Variants in GSK3B observed in about 807,000 individuals in gnomAD.
The protein encoded by GSK3B is glycogen synthase kinase 3 beta.
In GSK3B, 15 loss-of-function variants were observed where a neutral mutation model predicts 56.4. The observed-to-expected ratio is 0.27, with a 90% CI of 0.18 to 0.41. GSK3B has a LOEUF of 0.41. Among genes scored for constraint, GSK3B ranks in the 10% least tolerant of loss-of-function variants. GSK3B has a pLI of 1.00. For missense variants in GSK3B, 300 were observed against 513.4 expected (o/e 0.58, Z 4.02); for synonymous variants, 181 against 188.9 (o/e 0.96, Z 0.34).
At chr3:120,002,287 A>G in intron 1 of GSK3B, 48 bp from the exon 2 acceptor site, 1 of 1,147,252 alleles carries the variant, frequency 8.7e-7, no homozygotes, top group Non-Finnish European at 1.2e-6. Context: ...GTAAGGAATT[A>G]AATAGAGAAA....
At chr3:119,934,179 A>G (rs1370739651) in intron 3 of GSK3B, among the ~76,000 whole-genome samples, 1 of 152,242 alleles carries the variant, frequency 6.6e-6, no homozygotes, top group Non-Finnish European at 1.5e-5. Context: ...TCCAAGGAAT[A>G]AAGTATGGAA....
chr3:119,939,677 T>C (rs1420676975), intron 3 of GSK3B, among the ~76,000 whole-genome samples: 1 of 152,164 alleles, frequency 6.6e-6, no homozygotes, highest in South Asian at 2.1e-4. Context: ...GGGCCTGAAC[T>C]AAGGCAGCAT....
intron 1 of GSK3B, among the ~76,000 whole-genome samples, chr3:120,037,933 T>C (rs866081113): frequency 3.9e-5 from 6 of 152,238 alleles, no homozygotes; most frequent in Admixed American, 3.9e-4. Flanking sequence ...AACTGATGAA[T>C]AAAAAATATA....
chr3:119,893,517 C>T (rs986453108), intron 7 of GSK3B, among the ~76,000 whole-genome samples: 1 of 152,136 alleles, frequency 6.6e-6, no homozygotes, highest in South Asian at 2.1e-4. Context: ...AGTCTTAAAG[C>T]CCCATTAAGA....
chr3:119,887,657 G>A (rs563582870), intron 7 of GSK3B, among the ~76,000 whole-genome samples: 46 of 152,072 alleles, frequency 3.0e-4, no homozygotes, highest in Non-Finnish European at 5.2e-4. Context: ...GGAAGTATGG[G>A]GTGGGAAGTA....
At position 119,825,549 on chromosome 3, in the gene GSK3B, A is replaced by G. The variant is rs746961563; in HGVS notation, c.*1239T>C. The G allele has an allele frequency of 8.8e-6, 2 of 228,282 alleles. No individual in the cohort carries two copies. The highest frequency in any genetic ancestry group is 1.8e-4 in the South Asian group (1 of 5,472). 14.1% of individuals were successfully genotyped at this position (228,282 alleles called of 1,614,324 possible). Reference sequence around the variant, plus strand: ...ACATTTATATCATCAGCTTTCCTATAAAGTCAGCAGGTATAAGTGACTGTA... The same window carrying G: ...ACATTTATATCATCAGCTTTCCTATGAAGTCAGCAGGTATAAGTGACTGTA... On this transcript the variant is annotated 3_prime_UTR_variant, in exon 11 of 11. Transcript: ENST00000264235.
At chr3:119,958,413 A>T (rs1328287085) in intron 2 of GSK3B, among the ~76,000 whole-genome samples, 1 of 151,958 alleles carries the variant, frequency 6.6e-6, no homozygotes, top group East Asian at 1.9e-4. Flanking sequence ...GTGGCAGCTC[A>T]TGCCTGTAAT....
intron 10 of GSK3B, among the ~76,000 whole-genome samples, chr3:119,827,153 G>A (rs986230978): frequency 2.0e-5 from 3 of 152,204 alleles, no homozygotes; most frequent in African/African-American, 7.2e-5. Flanking sequence ...AGCTGTATAT[G>A]AACACTCAGC....
At chr3:119,927,239 T>C (rs1463475088) in intron 3 of GSK3B, among the ~76,000 whole-genome samples, 1 of 152,168 alleles carries the variant, frequency 6.6e-6, no homozygotes, top group Non-Finnish European at 1.5e-5. Context: ...ATTATATCAA[T>C]AAAGCTTGAA....
chr3:119,923,183 T>C (rs755604972), intron 4 of GSK3B, among the ~76,000 whole-genome samples, 190 bp downstream of exon 4: 1 of 152,246 alleles, frequency 6.6e-6, no homozygotes, highest in African/African-American at 2.4e-5. Context: ...ATCTGAGTTA[T>C]AAAACTTCAA....
rs748842632 is a variant in GSK3B, at chr3:119,899,212, A to G, written c.813+6543T>C. On this transcript the variant is annotated intron_variant, in intron 7 of 10. Coordinates refer to ENST00000264235, the MANE Select transcript of GSK3B (RefSeq NM_001146156.2). Reference sequence around the variant, plus strand: ...CACGTCCCAGGAGGAATGAAGCAGGACAGCATGAGATTTCAGCATACTACT... The same window carrying G: ...CACGTCCCAGGAGGAATGAAGCAGGGCAGCATGAGATTTCAGCATACTACT... Among the ~76,000 whole-genome samples, 49 of 152,160 alleles carry G rather than the reference A, an allele frequency of 3.2e-4. 1 individual carries two copies. Among genetic ancestry groups the G allele is most frequent in the Non-Finnish European group, 2.1e-4 (14 of 68,034 alleles).
At chr3:120,038,118 G>A (rs2058037292) in intron 1 of GSK3B, among the ~76,000 whole-genome samples, 2 of 152,152 alleles carry the variant, frequency 1.3e-5, no homozygotes, top group Non-Finnish European at 2.9e-5. Context: ...CAAGTAAATA[G>A]CAAATTCGGA....
chr3:119,915,935 A>C, intron 5 of GSK3B, 109 bp downstream of exon 5: 1 of 719,428 alleles, frequency 1.4e-6, no homozygotes, highest in Non-Finnish European at 2.3e-6. Context: ...TACTTCTTGA[A>C]TAAGAATTAC....
chr3:119,936,789 T>C (rs1265006867), intron 3 of GSK3B, among the ~76,000 whole-genome samples: 3 of 151,904 alleles, frequency 2.0e-5, no homozygotes, highest in Non-Finnish European at 4.4e-5. Flanking sequence ...AGCTGTACAA[T>C]AGTTGGAGAC....
intron 2 of GSK3B, among the ~76,000 whole-genome samples, chr3:119,989,215 C>T (rs916324520): frequency 2.6e-5 from 4 of 152,074 alleles, no homozygotes; most frequent in East Asian, 1.9e-4. Context: ...AGTGAATCCA[C>T]GGAACCCAGG....
intron 3 of GSK3B, among the ~76,000 whole-genome samples, chr3:119,927,504 A>T (rs757599323): frequency 5.3e-5 from 8 of 152,216 alleles, no homozygotes. Flanking sequence ...AGAGATTGGG[A>T]TTAATTTAAC....
At chr3:119,934,137 C>T (rs1218372607) in intron 3 of GSK3B, among the ~76,000 whole-genome samples, 4 of 152,170 alleles carry the variant, frequency 2.6e-5, no homozygotes, top group Non-Finnish European at 4.4e-5. Context: ...ATAATTCCCA[C>T]CTTAGGTGTA....
At chr3:120,016,846 T>C (rs766806914) in intron 1 of GSK3B, among the ~76,000 whole-genome samples, 2 of 152,198 alleles carry the variant, frequency 1.3e-5, no homozygotes, top group Non-Finnish European at 2.9e-5. Flanking sequence ...ATCAAGTGTA[T>C]TTTCCTTTTC....
intron 2 of GSK3B, among the ~76,000 whole-genome samples, chr3:119,966,852 A>G (rs2057322653): frequency 6.6e-6 from 1 of 152,208 alleles, no homozygotes; most frequent in Admixed American, 6.5e-5. Context: ...AACACACTGC[A>G]AAAGAACTTA....
Sources: allele counts gnomAD v4.1 joint callset (sites outside exome capture counted in the v4.1 genomes callset), GRCh38; gene constraint gnomAD v4.1.1; transcripts MANE v1.5; gene names NCBI Gene and HGNC (gene_info 2026-07-23, HGNC 2026-07-21).